Variants in KDM4C observed in about 807,000 individuals in gnomAD.
The protein encoded by KDM4C is lysine demethylase 4C, also known as lysine-specific demethylase 4C.
A neutral mutation model predicts 129.3 loss-of-function variants in KDM4C; 81 were observed. That is an observed-to-expected ratio of 0.63 (90% CI 0.52 to 0.75). The LOEUF (loss-of-function observed/expected upper bound fraction) is 0.75, where lower values mean the gene tolerates loss of function less well. Ranked by LOEUF, KDM4C falls within the 30% of genes least tolerant of loss-of-function variation. The probability of loss-of-function intolerance (pLI) is 0.00; values close to 1 mark genes in which losing one functional copy is unlikely to be tolerated. For missense variants in KDM4C, 1,457 were observed against 1,304.0 expected (o/e 1.12, Z -1.81); for synonymous variants, 573 against 456.1 (o/e 1.26, Z -3.26).
chr9:7,069,256 A>G (rs1832875916), intron 17 of KDM4C, among the ~76,000 whole-genome samples: 1 of 152,236 alleles, frequency 6.6e-6, no homozygotes, highest in South Asian at 2.1e-4. Context: ...TATGTAGTCT[A>G]CATTTTAAAA....
chr9:7,169,966 C>T (rs1844792889), intron 21 of KDM4C, 76 bp downstream of exon 21: 2 of 1,603,654 alleles, frequency 1.2e-6, no homozygotes, highest in Non-Finnish European at 1.7e-6. Flanking sequence ...CCAAGCCCAG[C>T]AGGAAACATA....
At chr9:6,834,892 C>T in intron 4 of KDM4C, 1 of 1,267,734 alleles carries the variant, frequency 7.9e-7, no homozygotes, top group East Asian at 2.3e-5. Flanking sequence ...ACTTCTTTGG[C>T]TGTACCACTG....
chr9:6,905,180 T>C (rs1393730667), intron 8 of KDM4C, among the ~76,000 whole-genome samples: 2 of 152,292 alleles, frequency 1.3e-5, no homozygotes, highest in East Asian at 3.9e-4. Flanking sequence ...GAGGATGCCA[T>C]AGTATATATA....
rs532098845 is a variant in KDM4C, at chr9:6,931,660, C to A, written c.921+38428C>A. Reference sequence around the variant, plus strand: ...GGACTACAGGCATGTGCCACCACACCCAGCTAATTTTTGTAGTTTTTGTAG... The same window carrying A: ...GGACTACAGGCATGTGCCACCACACACAGCTAATTTTTGTAGTTTTTGTAG... On this transcript the variant is annotated intron_variant, in intron 8 of 21. Transcript: ENST00000381309. Among the ~76,000 whole-genome samples, 16 of 152,162 alleles carry A rather than the reference C, an allele frequency of 1.1e-4. No homozygotes were observed. In the East Asian group the frequency reaches 1.4e-3, roughly 13 times the overall value.
At chr9:6,999,194 T>A (rs1663243642) in intron 12 of KDM4C, among the ~76,000 whole-genome samples, 1 of 152,230 alleles carries the variant, frequency 6.6e-6, no homozygotes, top group Admixed American at 6.5e-5. Context: ...GCCCTCCTGC[T>A]CCTGGCAAGC....
chr9:7,166,464 GTC>G (rs1564200891), intron 20 of KDM4C, among the ~76,000 whole-genome samples: 2 of 27,928 alleles, frequency 7.2e-5, no homozygotes, highest in South Asian at 7.7e-4. Flanking sequence ...GTGTATGTGT[GTC>G]TGTGTGTGTA....
intron 17 of KDM4C, 81 bp from the exon 18 acceptor site, chr9:7,103,604 G>C: frequency 1.2e-6 from 1 of 804,424 alleles, no homozygotes; most frequent in Non-Finnish European, 2.0e-6. Flanking sequence ...TTCTTCTCTA[G>C]TAGCTATTGT....
intron 4 of KDM4C, among the ~76,000 whole-genome samples, chr9:6,823,788 A>T (rs1177529987): frequency 6.6e-6 from 1 of 152,234 alleles, no homozygotes; most frequent in South Asian, 2.1e-4. Context: ...GCTATGTTGA[A>T]GAGATTGGGA....
At chr9:6,907,565 G>C (rs1306202193) in intron 8 of KDM4C, among the ~76,000 whole-genome samples, 1 of 152,094 alleles carries the variant, frequency 6.6e-6, no homozygotes, top group Non-Finnish European at 1.5e-5. Flanking sequence ...AAAACTTTAG[G>C]GGAAGAGGGT....
At chr9:7,057,668 C>G (rs1831049825) in intron 17 of KDM4C, among the ~76,000 whole-genome samples, 1 of 152,156 alleles carries the variant, frequency 6.6e-6, no homozygotes, top group South Asian at 2.1e-4. Context: ...AAGAACATAA[C>G]TGTATTTTAA....
intron 1 of KDM4C, among the ~76,000 whole-genome samples, chr9:6,759,078 C>T (rs1818872444): frequency 6.6e-6 from 1 of 152,188 alleles, no homozygotes; most frequent in African/African-American, 2.4e-5. Context: ...CAGGTTCCTT[C>T]TTCCGGAAGA....
intron 1 of KDM4C, among the ~76,000 whole-genome samples, chr9:6,735,778 G>C (rs888272749): frequency 1.3e-5 from 2 of 152,174 alleles, no homozygotes; most frequent in South Asian, 4.1e-4. Context: ...TACTAGTAGA[G>C]CAGGGCACTG....
intron 17 of KDM4C, among the ~76,000 whole-genome samples, chr9:7,059,936 T>G (rs1003138342): frequency 6.6e-6 from 1 of 152,114 alleles, no homozygotes; most frequent in African/African-American, 2.4e-5. Flanking sequence ...AAAACCCACA[T>G]AAATAGAAGT....
At chr9:7,128,880 G>A (rs1044413823) in intron 19 of KDM4C, among the ~76,000 whole-genome samples, 1 of 152,136 alleles carries the variant, frequency 6.6e-6, no homozygotes, top group Non-Finnish European at 1.5e-5. Flanking sequence ...TCATTCTGAG[G>A]AACTAGTGAA....
At chr9:6,835,454 T>C in intron 4 of KDM4C, 1 of 1,234,034 alleles carries the variant, frequency 8.1e-7, no homozygotes, top group Non-Finnish European at 1.2e-6. Context: ...CCTCCTGAGC[T>C]CAAGCACTCT....
chr9:7,101,806 C>A (rs538292769), intron 17 of KDM4C, among the ~76,000 whole-genome samples: 2 of 148,370 alleles, frequency 1.3e-5, no homozygotes, highest in African/African-American at 4.9e-5. Flanking sequence ...CATAATTTCA[C>A]CTTTCATATA....
intron 1 of KDM4C, among the ~76,000 whole-genome samples, chr9:6,731,890 G>A (rs1466162119): frequency 6.6e-6 from 1 of 152,050 alleles, no homozygotes; most frequent in African/African-American, 2.4e-5. Context: ...TGTCATTCCA[G>A]TTGAACAGAG....
At chr9:7,049,254 T>C in intron 17 of KDM4C, 54 bp downstream of exon 17, 1 of 994,026 alleles carries the variant, frequency 1.0e-6, no homozygotes, top group Non-Finnish European at 1.5e-6. Context: ...TTTCAAGTTC[T>C]GAATTTTTCC....
chr9:6,978,202 C>T (rs1833252690), intron 8 of KDM4C, among the ~76,000 whole-genome samples: 1 of 152,152 alleles, frequency 6.6e-6, no homozygotes, highest in South Asian at 2.1e-4. Flanking sequence ...GATTTCATAG[C>T]TTGTCAGTGT....
Sources: gnomAD v4.1 joint callset for allele counts (sites outside exome capture counted in the v4.1 genomes callset) on GRCh38, gnomAD v4.1.1 for gene constraint, MANE v1.5 for transcripts, NCBI Gene and HGNC (gene_info 2026-07-23, HGNC 2026-07-21) for gene names.